Variants in RFX1 observed in about 807,000 individuals in gnomAD.
The protein encoded by RFX1 is MHC class II regulatory factor RFX1.
Under a neutral mutation model 119.6 loss-of-function variants are expected in RFX1, and 42 were observed. The ratio of observed to expected loss-of-function variants is 0.35; its 90% CI spans 0.27 to 0.45. The LOEUF (loss-of-function observed/expected upper bound fraction) is 0.45, where lower values mean the gene tolerates loss of function less well. Ranked by LOEUF, RFX1 falls within the 20% of genes least tolerant of loss-of-function variation. The pLI is 1.00. For synonymous variants in RFX1, 628 were observed against 618.5 expected, an observed-to-expected ratio of 1.02 and a Z score of -0.23; for missense variants, 1,118 against 1,368.1, an observed-to-expected ratio of 0.82 and a Z score of 2.88.
Position 13,962,827 on chromosome 19 carries a change from C to T in RFX1, c.2808G>A (p.Glu936=). 6.5e-7 allele frequency: 1 copy of T among 1,527,484 alleles called. No homozygotes were observed. The highest frequency in any genetic ancestry group is 8.8e-7 in the Non-Finnish European group (1 of 1,140,676). The allele number at this position is 1,527,484 out of a possible 1,614,324, so 94.6% of individuals were successfully genotyped here. A position where few individuals can be genotyped will look rare whatever the true frequency, so the allele number is the denominator to read the frequency against. ...CCGCCAGTGAGATGTCCTGCGGCAGCTCGTCCTCGCTCTCCTCCTCCTCTT... is the reference window on the plus strand; with the variant it reads ...CCGCCAGTGAGATGTCCTGCGGCAGTTCGTCCTCGCTCTCCTCCTCCTCTT... ...EEEEEEESED[E]LPQDISLAAG... The change falls in exon 21 of 21, where the codon GAG becomes GAA. Residue 936 remains glutamate (E), a synonymous_variant. Coordinates refer to ENST00000254325, the MANE Select transcript of RFX1 (RefSeq NM_002918.5).
chr19:14,003,913 CTT>C (rs921618686), intron 1 of RFX1, among the ~76,000 whole-genome samples: 1 of 146,536 alleles, frequency 6.8e-6, no homozygotes, highest in African/African-American at 2.5e-5. Context: ...GCTCAGTTAG[CTT>C]TTTTTTTTTT....
At chr19:13,973,709 C>T (rs1186822079) in intron 8 of RFX1, among the ~76,000 whole-genome samples, 2 of 152,270 alleles carry the variant, frequency 1.3e-5, no homozygotes, top group African/African-American at 2.4e-5. Context: ...TGGCTCACTG[C>T]AACCTCCGCC....
intron 1 of RFX1, among the ~76,000 whole-genome samples, chr19:13,994,215 C>A (rs1048244736): frequency 3.3e-5 from 5 of 152,086 alleles, no homozygotes; most frequent in Non-Finnish European, 7.4e-5. Context: ...CCCCACACTG[C>A]GGGGGAACTT....
In RFX1 at chr19:13,986,720, G is replaced by C. The variant is rs1974609554; in HGVS notation, c.320-3125C>G. ...CTGAATCTGACACATTAACATCTCT[G>C]AGCAGTGGAATGACTCTGACAAGTG... On this transcript the variant is annotated intron_variant, in intron 2 of 20. Coordinates refer to ENST00000254325, the MANE Select transcript of RFX1 (RefSeq NM_002918.5). The surrounding 1 kb of genome is among the most constrained non-coding windows in gnomAD (Gnocchi z 4.2). Among the ~76,000 whole-genome samples the C allele has an allele frequency of 6.6e-6, 1 of 152,162 alleles. No individual in the cohort carries two copies. The highest frequency in any genetic ancestry group is 6.5e-5 in the Admixed American group (1 of 15,284).
intron 2 of RFX1, among the ~76,000 whole-genome samples, chr19:13,984,237 C>T (rs925590833): frequency 1.3e-5 from 2 of 150,872 alleles, no homozygotes; most frequent in African/African-American, 2.4e-5. Flanking sequence ...CCCCCCACCC[C>T]GTCCGCCTGT....
At chr19:14,003,411 C>T (rs1975279604) in intron 1 of RFX1, among the ~76,000 whole-genome samples, 1 of 152,124 alleles carries the variant, frequency 6.6e-6, no homozygotes, top group Non-Finnish European at 1.5e-5. Flanking sequence ...TCCCTGTCAT[C>T]GACCCACACA....
At position 13,970,171 on chromosome 19, in the gene RFX1, T is replaced by C. The variant is rs766223041; in HGVS notation, c.1319A>G (p.Gln440Arg). Reference sequence around the variant, plus strand: ...CGTCTCATAGTTGTCCAGGAGCCACTGGACCTGGGGTGGGAGGGAGATGGG... The same window carrying C: ...CGTCTCATAGTTGTCCAGGAGCCACCGGACCTGGGGTGGGAGGGAGATGGG... ...HTTRASPATV[Q>R]WLLDNYETAE... Residue 440 changes from glutamine to arginine, a missense_variant, in exon 10 of 21, where the codon CAG (glutamine) becomes CGG (arginine). Coordinates refer to ENST00000254325, the MANE Select transcript of RFX1 (RefSeq NM_002918.5). 6.2e-7 allele frequency: 1 copy of C among 1,605,222 alleles called. No individual in the cohort carries two copies. The highest frequency in any genetic ancestry group is 1.3e-5 in the African/African-American group (1 of 74,870).
upstream of RFX1, chr19:14,006,568 G>A (rs1005860294): frequency 3.9e-5 from 6 of 152,296 alleles, no homozygotes; most frequent in South Asian, 1.0e-3. Flanking sequence ...AAGAATAAAG[G>A]GGTAGGACTC....
In RFX1 at chr19:13,966,654, G is replaced by A; in HGVS notation, c.1830C>T (p.Val610=). 6.2e-7 allele frequency: 1 copy of A among 1,608,026 alleles called. No individual in the cohort carries two copies. Among genetic ancestry groups the A allele is most frequent in the South Asian group, 1.1e-5 (1 of 90,742 alleles). Residue 610 remains valine, a synonymous_variant, in exon 13 of 21, where the codon GTC becomes GTT. Transcript: ENST00000254325. The surrounding 1 kb of genome is among the most constrained non-coding windows in gnomAD (Gnocchi z 6.3). The part of the protein sequence containing the change: ...VGPGDIKAFQ[V]LYREHCEAIV... ...CTACCTCACAGTGTTCCCGGTACAG[G>A]ACCTGGAAGGCTTTGATGTCCCCGG...
rs773840421 is a variant in RFX1, at chr19:13,978,048, G to A, written c.873C>T (p.Tyr291=). The A allele has an allele frequency of 3.7e-6, 6 of 1,613,672 alleles. No individual in the cohort carries two copies. In the Admixed American group the frequency reaches 1.0e-4, roughly 27 times the overall value. ...QLQQVPVPHV[Y]SSQVQYVEGG... The stretch of plus-strand genomic sequence containing the variant: ...CCTCCACATACTGCACCTGGCTGGA[G>A]TACACGTGTGGGACGGGCACCTGCT... The change falls in exon 8 of 21, where the codon TAC becomes TAT. Residue 291 remains tyrosine, a synonymous_variant. Transcript: ENST00000254325.
chr19:13,991,115 G>T (rs1185653866), intron 2 of RFX1, among the ~76,000 whole-genome samples: 1 of 152,220 alleles, frequency 6.6e-6, no homozygotes, highest in African/African-American at 2.4e-5. Flanking sequence ...TTCTGGATAT[G>T]GGTGGTGCTG....
At chr19:13,982,012 G>T in intron 5 of RFX1, 109 bp downstream of exon 5, 1 of 435,988 alleles carries the variant, frequency 2.3e-6, no homozygotes, top group Non-Finnish European at 4.0e-6. Context: ...CTTTGGAGGA[G>T]CAAGTGGGCT....
At chr19:13,983,390 C>A in intron 3 of RFX1, 96 bp downstream of exon 3, 1 of 1,245,454 alleles carries the variant, frequency 8.0e-7, no homozygotes, top group Non-Finnish European at 1.1e-6. Context: ...ATGGCTCCAG[C>A]AGGAAGCGGG....
At chr19:13,991,359 G>A (rs899911709) in intron 2 of RFX1, among the ~76,000 whole-genome samples, 25 of 152,314 alleles carry the variant, frequency 1.6e-4, no homozygotes, top group Non-Finnish European at 3.2e-4. Context: ...GATTTCTGAG[G>A]GGTGCTGAGA....
Position 13,966,346 on chromosome 19 carries a change from C to T in RFX1, c.1961+75G>A. On this transcript the variant is annotated intron_variant, in intron 14 of 20. Transcript: ENST00000254325. This position sits in a 1 kb window ranked among gnomAD's most constrained non-coding sequence, Gnocchi z 6.3. ...GCAGGGGACAAGCAGGTGCCCCAACCCTGGCCATCAAAATCACCTGCGGGT... is the reference window on the plus strand; with the variant it reads ...GCAGGGGACAAGCAGGTGCCCCAACTCTGGCCATCAAAATCACCTGCGGGT... The T allele has an allele frequency of 1.1e-6, 1 of 938,918 alleles. No homozygotes were observed. The highest frequency in any genetic ancestry group is 1.7e-6 in the Non-Finnish European group (1 of 588,000). The allele number at this position is 938,918 out of a possible 1,614,324, so 58.2% of individuals were successfully genotyped here. A position where few individuals can be genotyped will look rare whatever the true frequency, so the allele number is the denominator to read the frequency against.
At chr19:13,981,895 T>C (rs565081237) in intron 5 of RFX1, among the ~76,000 whole-genome samples, 10 of 152,294 alleles carry the variant, frequency 6.6e-5, no homozygotes, top group Non-Finnish European at 1.2e-4. Flanking sequence ...AGAGCAGAGC[T>C]CCACGGCCGC....
chr19:13,987,359 C>T (rs774506294), intron 2 of RFX1, among the ~76,000 whole-genome samples: 8 of 152,104 alleles, frequency 5.3e-5, no homozygotes, highest in African/African-American at 9.7e-5. Flanking sequence ...AGGCAGGGAC[C>T]GGGGCTGGGT....
At chr19:13,974,305 G>C (rs547286962) in intron 8 of RFX1, among the ~76,000 whole-genome samples, 1 of 152,316 alleles carries the variant, frequency 6.6e-6, no homozygotes, top group Non-Finnish European at 1.5e-5. Context: ...TGTTTCCCCT[G>C]AGCCAAGCTA....
In RFX1 at chr19:13,990,210, C is replaced by T. The variant is rs749780579; in HGVS notation, c.319+3315G>A. Among the ~76,000 whole-genome samples the T allele has an allele frequency of 1.2e-4, 18 of 152,040 alleles. No individual in the cohort carries two copies. Among genetic ancestry groups the T allele is most frequent in the Non-Finnish European group, 2.6e-4 (18 of 68,018 alleles). On this transcript the variant is annotated intron_variant, in intron 2 of 20. Transcript: ENST00000254325. This position sits in a 1 kb window ranked among gnomAD's most constrained non-coding sequence, Gnocchi z 4.1. ...TCCCAGGTCTGAGTCTGGGGCTCCCCGTCCTTTGCTGACAAGGTCAGGGAG... is the reference window on the plus strand; with the variant it reads ...TCCCAGGTCTGAGTCTGGGGCTCCCTGTCCTTTGCTGACAAGGTCAGGGAG...
Sources: allele counts gnomAD v4.1 joint callset (sites outside exome capture counted in the v4.1 genomes callset), GRCh38; gene constraint gnomAD v4.1.1; non-coding constraint Gnocchi (gnomAD v3.1); transcripts MANE v1.5; gene names NCBI Gene and HGNC (gene_info 2026-07-23, HGNC 2026-07-21).